KCNIP4: variants seen among roughly 807,000 people sequenced by gnomAD.
KCNIP4 encodes the protein potassium voltage-gated channel interacting protein 4.
Under a neutral mutation model 34.0 loss-of-function variants are expected in KCNIP4, and 12 were observed. The observed-to-expected ratio is 0.35, with a 90% CI of 0.23 to 0.57. KCNIP4 has a LOEUF of 0.57. Among genes scored for constraint, KCNIP4 ranks in the 20% least tolerant of loss-of-function variants. The pLI is 0.83. For synonymous variants in KCNIP4, 124 were observed against 102.2 expected, an observed-to-expected ratio of 1.21 and a Z score of -1.29; for missense variants, 238 against 311.7, an observed-to-expected ratio of 0.76 and a Z score of 1.78.
intron 1 of KCNIP4, among the ~76,000 whole-genome samples, chr4:21,932,385 T>C (rs1729620802): frequency 6.6e-6 from 1 of 152,110 alleles, no homozygotes; most frequent in Admixed American, 6.6e-5. Context: ...TGAGGAAGGA[T>C]GAATAGTTAA....
chr4:21,583,705 T>A (rs1255812427), intron 1 of KCNIP4, among the ~76,000 whole-genome samples: 1 of 151,974 alleles, frequency 6.6e-6, no homozygotes, highest in Non-Finnish European at 1.5e-5. Context: ...AATGTTTTAT[T>A]TCACCCATTT....
At chr4:21,686,527 A>G (rs1436874378) in intron 1 of KCNIP4, among the ~76,000 whole-genome samples, 1 of 152,232 alleles carries the variant, frequency 6.6e-6, no homozygotes, top group Non-Finnish European at 1.5e-5. Context: ...TGTTCCCCGT[A>G]GAAAAATGAG....
intron 1 of KCNIP4, among the ~76,000 whole-genome samples, chr4:20,886,278 C>T (rs1358775564): frequency 1.3e-5 from 2 of 152,170 alleles, no homozygotes; most frequent in South Asian, 2.1e-4. Context: ...TGCCCTGGCT[C>T]GCCCCTGCCT....
chr4:21,090,182 C>T (rs11944165), intron 1 of KCNIP4, among the ~76,000 whole-genome samples: 25,587 of 152,096 alleles, frequency 0.17, 2,235 homozygotes, highest in East Asian at 0.24. Flanking sequence ...ATCTCAAGTT[C>T]TCATTACACA....
At chr4:21,420,391 C>T (rs1257291034) in intron 1 of KCNIP4, among the ~76,000 whole-genome samples, 1 of 152,204 alleles carries the variant, frequency 6.6e-6, no homozygotes, top group African/African-American at 2.4e-5. Flanking sequence ...TTTCTCTCTC[C>T]TGTTTTGTTC....
At chr4:21,898,617 C>T (rs1606537) in intron 1 of KCNIP4, among the ~76,000 whole-genome samples, 47,735 of 151,914 alleles carry the variant, frequency 0.31, 7,867 homozygotes, top group African/African-American at 0.42. Flanking sequence ...AGCACCTGGG[C>T]CCTGAATAAT....
chr4:21,069,482 C>CT (rs1252335065), intron 1 of KCNIP4, among the ~76,000 whole-genome samples: 1 of 152,202 alleles, frequency 6.6e-6, no homozygotes, highest in African/African-American at 2.4e-5. Flanking sequence ...CTAGAGGACT[C>CT]TGAGTATTCA....
chr4:21,493,466 A>G (rs1030361076), intron 1 of KCNIP4, among the ~76,000 whole-genome samples: 1 of 145,158 alleles, frequency 6.9e-6, no homozygotes, highest in Non-Finnish European at 1.5e-5. Flanking sequence ...AATTCTCTAG[A>G]AAAAAAGCAT....
At chr4:21,774,433 G>C (rs1719036122) in intron 1 of KCNIP4, among the ~76,000 whole-genome samples, 1 of 152,084 alleles carries the variant, frequency 6.6e-6, no homozygotes, top group African/African-American at 2.4e-5. Flanking sequence ...ATCTTCTCAT[G>C]TTGTATCTTA....
intron 1 of KCNIP4, among the ~76,000 whole-genome samples, chr4:21,694,512 C>T (rs1712045716): frequency 6.6e-6 from 1 of 151,840 alleles, no homozygotes; most frequent in African/African-American, 2.4e-5. Flanking sequence ...AGTGATCTGC[C>T]ATGATAAAAA....
chr4:21,267,886 C>T (rs1000251722), intron 1 of KCNIP4, among the ~76,000 whole-genome samples: 1 of 151,122 alleles, frequency 6.6e-6, no homozygotes, highest in African/African-American at 2.4e-5. Flanking sequence ...GGAGGATTCC[C>T]TCTTTTTCTA....
At chr4:21,491,902 A>C (rs1254782398) in intron 1 of KCNIP4, among the ~76,000 whole-genome samples, 1 of 152,228 alleles carries the variant, frequency 6.6e-6, no homozygotes, top group East Asian at 1.9e-4. Flanking sequence ...GCAATAACTT[A>C]TTAAATGAAA....
chr4:21,720,066 G>GA (rs397878206), intron 1 of KCNIP4, among the ~76,000 whole-genome samples: 36,914 of 143,940 alleles, frequency 0.26, 6,223 homozygotes, highest in East Asian at 0.65. Flanking sequence ...AGAAGAAGAA[G>GA]AAAAAAAAAA....
At chr4:20,949,915 G>C (rs1368567634) in intron 1 of KCNIP4, among the ~76,000 whole-genome samples, 2 of 149,680 alleles carry the variant, frequency 1.3e-5, no homozygotes, top group Non-Finnish European at 3.0e-5. Context: ...GCTAGATGAC[G>C]AGTTAGTGGG....
At chr4:20,898,457 A>G (rs563854455) in intron 1 of KCNIP4, among the ~76,000 whole-genome samples, 3 of 152,316 alleles carry the variant, frequency 2.0e-5, no homozygotes, top group African/African-American at 7.2e-5. Flanking sequence ...TATTATTAAT[A>G]ATGATATCCA....
At chr4:21,510,493 G>A (rs899112003) in intron 1 of KCNIP4, among the ~76,000 whole-genome samples, 1 of 151,940 alleles carries the variant, frequency 6.6e-6, no homozygotes, top group Non-Finnish European at 1.5e-5. Context: ...TTAGACAGTG[G>A]GTGTTTTTTT....
intron 1 of KCNIP4, among the ~76,000 whole-genome samples, chr4:21,418,015 C>A (rs2109615164): frequency 6.6e-6 from 1 of 152,278 alleles, no homozygotes; most frequent in South Asian, 2.1e-4. Context: ...GGCCTCCATG[C>A]AGAAACTCAA....
At chr4:21,051,927 A>C (rs1451186628) in intron 1 of KCNIP4, among the ~76,000 whole-genome samples, 1 of 152,162 alleles carries the variant, frequency 6.6e-6, no homozygotes, top group African/African-American at 2.4e-5. Flanking sequence ...AGGAAAATTG[A>C]CTCTGGCACA....
At chr4:21,381,938 T>C (rs942550069) in intron 1 of KCNIP4, among the ~76,000 whole-genome samples, 1 of 152,172 alleles carries the variant, frequency 6.6e-6, no homozygotes, top group African/African-American at 2.4e-5. Flanking sequence ...AACACATGCA[T>C]ATTTAAGTAA....
Sources: allele counts gnomAD v4.1 joint callset (sites outside exome capture counted in the v4.1 genomes callset), GRCh38; gene constraint gnomAD v4.1.1; transcripts MANE v1.5; gene names NCBI Gene and HGNC (gene_info 2026-07-23, HGNC 2026-07-21).